The following ARHGAP22 variants were observed in gnomAD, a reference collection of about 807,000 sequenced individuals.
The protein encoded by ARHGAP22 is rho GTPase-activating protein 22.
Under a neutral mutation model 59.1 loss-of-function variants are expected in ARHGAP22, and 48 were observed. The observed-to-expected ratio is 0.81, with a 90% confidence interval of 0.64 to 1.03. The LOEUF (loss-of-function observed/expected upper bound fraction) is 1.03. ARHGAP22 is among the 50% of genes least tolerant of loss of function. The pLI is 0.00. For synonymous variants in ARHGAP22, 445 were observed against 416.4 expected (o/e 1.07, Z -0.84); for missense variants, 1,015 against 958.7 (o/e 1.06, Z -0.78).
intron 3 of ARHGAP22, among the ~76,000 whole-genome samples, chr10:48,489,662 T>A (rs1292359801): frequency 1.3e-5 from 2 of 152,192 alleles, no homozygotes; most frequent in African/African-American, 2.4e-5. Flanking sequence ...TCCTCTTTTT[T>A]AATTGTCTGT....
chr10:48,569,144 T>C (rs1191320315), intron 2 of ARHGAP22, among the ~76,000 whole-genome samples: 3 of 152,234 alleles, frequency 2.0e-5, no homozygotes, highest in Non-Finnish European at 4.4e-5. Flanking sequence ...CTCTGGGGTA[T>C]ATGGTGTCTC....
chr10:48,463,353 T>C (rs1481958287), intron 4 of ARHGAP22, among the ~76,000 whole-genome samples: 3 of 152,116 alleles, frequency 2.0e-5, no homozygotes, highest in Admixed American at 1.3e-4. Flanking sequence ...GTAGGAAAGG[T>C]AGCAATGGGA....
In ARHGAP22 at chr10:48,590,424, T is replaced by A. The variant is rs76532359; in HGVS notation, c.35-7272A>T. On this transcript the variant is annotated intron_variant, in intron 1 of 9. Coordinates refer to ENST00000249601, the MANE Select transcript of ARHGAP22 (RefSeq NM_021226.4). Reference sequence around the variant, plus strand: ...GATGGCAAGACACTGTCCTCGGTTGTGGTGGGGGCAAGGAGGTGCCCTGTA... The same window carrying A: ...GATGGCAAGACACTGTCCTCGGTTGAGGTGGGGGCAAGGAGGTGCCCTGTA... 4.9e-4 allele frequency among the ~76,000 whole-genome samples: 74 copies of A among 152,060 alleles called. 1 individual carries two copies. The East Asian group carries it at 0.013, about 28-fold the overall frequency.
chr10:48,644,493 T>C (rs1369121061), intron 1 of ARHGAP22, among the ~76,000 whole-genome samples: 1 of 152,244 alleles, frequency 6.6e-6, no homozygotes, highest in East Asian at 1.9e-4. Flanking sequence ...TATTTTCAAG[T>C]ACATTTAGAA....
intron 3 of ARHGAP22, among the ~76,000 whole-genome samples, chr10:48,514,686 C>T (rs1341225512): frequency 2.0e-5 from 3 of 152,052 alleles, no homozygotes; most frequent in Admixed American, 6.5e-5. Flanking sequence ...AAATAAAAGA[C>T]AAAATAAATG....
At chr10:48,574,349 C>T (rs771935179) in intron 2 of ARHGAP22, among the ~76,000 whole-genome samples, 6 of 152,124 alleles carry the variant, frequency 3.9e-5, no homozygotes, top group Non-Finnish European at 8.8e-5. Flanking sequence ...CAGATTGAAG[C>T]CCCACCTGAA....
At chr10:48,519,382 G>A (rs1330482134) in intron 3 of ARHGAP22, among the ~76,000 whole-genome samples, 1 of 152,220 alleles carries the variant, frequency 6.6e-6, no homozygotes, top group Non-Finnish European at 1.5e-5. Context: ...CACCAGCAAA[G>A]GGGCACAGGG....
intron 1 of ARHGAP22, among the ~76,000 whole-genome samples, chr10:48,620,991 A>G (rs2061266553): frequency 6.6e-6 from 1 of 152,262 alleles, no homozygotes; most frequent in South Asian, 2.1e-4. Flanking sequence ...TGGGAGGCCC[A>G]CATCAAGAGG....
intron 3 of ARHGAP22, among the ~76,000 whole-genome samples, chr10:48,522,047 A>G (rs1044403615): frequency 6.6e-6 from 1 of 152,268 alleles, no homozygotes; most frequent in Non-Finnish European, 1.5e-5. Flanking sequence ...ACATGGGTTC[A>G]AATTTGTTAA....
intron 3 of ARHGAP22, among the ~76,000 whole-genome samples, chr10:48,520,809 G>C (rs1344986358): frequency 1.3e-5 from 2 of 152,088 alleles, no homozygotes; most frequent in Admixed American, 6.5e-5. Flanking sequence ...AGCTCCAAAG[G>C]CAGCTGGAGA....
chr10:48,469,234 C>T (rs1007152952), intron 4 of ARHGAP22, among the ~76,000 whole-genome samples: 10 of 152,208 alleles, frequency 6.6e-5, no homozygotes, highest in Admixed American at 1.3e-4. Flanking sequence ...TAGAAGGCTC[C>T]GGCAGGCACT....
intron 3 of ARHGAP22, among the ~76,000 whole-genome samples, chr10:48,508,524 G>A (rs2134486940): frequency 6.6e-6 from 1 of 152,354 alleles, no homozygotes. Flanking sequence ...CATGGGCCAG[G>A]ACCAGCAAAG....
rs892108944 is a variant in ARHGAP22 at position 48,479,355 on chromosome 10, G to A, written c.451+281C>T. 14 of 520,482 alleles carry A rather than the reference G, an allele frequency of 2.7e-5. No individual in the cohort carries two copies. In the East Asian group the frequency reaches 3.1e-4, roughly 11 times the overall value. 32.2% of individuals were successfully genotyped at this position (520,482 alleles called of 1,614,324 possible). On this transcript the variant is annotated intron_variant, in intron 4 of 9. Transcript: ENST00000249601. ...ACAGAGAATGGAGATGAGGGAAGGC[G>A]GAGGTGTGGCCTATCCTCATGAATT... is the stretch of plus-strand genomic sequence containing the variant.
At chr10:48,602,938 G>A (rs2135901556) in intron 1 of ARHGAP22, among the ~76,000 whole-genome samples, 1 of 152,268 alleles carries the variant, frequency 6.6e-6, no homozygotes, top group South Asian at 2.1e-4. Context: ...GTGTGTGTAT[G>A]TTTGTATGCA....
the ARHGAP22 span, among the ~76,000 whole-genome samples, chr10:48,431,776 T>A: frequency 6.6e-6 from 1 of 152,226 alleles, no homozygotes; most frequent in African/African-American, 2.4e-5. Context: ...AACTTTTTTT[T>A]ATCATAAGCT....
rs561389396 is a variant in ARHGAP22, at chr10:48,520,916, G to C, written c.322+34547C>G. On this transcript the variant is annotated intron_variant, in intron 3 of 9. Coordinates refer to ENST00000249601, the MANE Select transcript of ARHGAP22 (RefSeq NM_021226.4). Reference sequence around the variant, plus strand: ...CCTGGAACAAAGCTGACTCCATGCTGTGCTCCAGTACCACCTTCTTCCTCC... The same window carrying C: ...CCTGGAACAAAGCTGACTCCATGCTCTGCTCCAGTACCACCTTCTTCCTCC... Among the ~76,000 whole-genome samples the C allele has an allele frequency of 3.9e-5, 6 of 152,290 alleles. No homozygotes were observed. The East Asian group carries it at 5.8e-4, about 15-fold the overall frequency.
chr10:48,506,198 C>G (rs7087924), intron 3 of ARHGAP22, among the ~76,000 whole-genome samples: 1 of 152,172 alleles, frequency 6.6e-6, no homozygotes, highest in African/African-American at 2.4e-5. Context: ...TCAGGCACCG[C>G]TTAGTGACAG....
intron 3 of ARHGAP22, among the ~76,000 whole-genome samples, chr10:48,504,174 T>A (rs568290570): frequency 1.7e-4 from 26 of 152,096 alleles, no homozygotes; most frequent in African/African-American, 5.8e-4. Context: ...AGTCCTGGGA[T>A]GAAAAGGGGA....
intron 1 of ARHGAP22, among the ~76,000 whole-genome samples, chr10:48,600,260 A>G (rs973632945): frequency 1.3e-5 from 2 of 152,204 alleles, no homozygotes; most frequent in African/African-American, 4.8e-5. Flanking sequence ...ATGTATTAAC[A>G]GTGGAAAGTC....
Sources: gnomAD v4.1 joint callset for allele counts (sites outside exome capture counted in the v4.1 genomes callset) on GRCh38, gnomAD v4.1.1 for gene constraint, MANE v1.5 for transcripts, NCBI Gene and HGNC (gene_info 2026-07-23, HGNC 2026-07-21) for gene names.